The following LHFPL3 variants were observed in gnomAD, a reference collection of about 807,000 sequenced individuals.
LHFPL3 encodes LHFPL tetraspan subfamily member 3.
In LHFPL3, 5 loss-of-function variants were observed where a neutral mutation model predicts 19.3. That is an observed-to-expected ratio of 0.26 (90% CI 0.14 to 0.54). The LOEUF (loss-of-function observed/expected upper bound fraction) is 0.54. LHFPL3 is among the 20% of genes least tolerant of loss of function. LHFPL3 has a pLI of 0.94. For synonymous variants in LHFPL3, 133 were observed against 126.2 expected, an observed-to-expected ratio of 1.05 and a Z score of -0.36; for missense variants, 249 against 307.4, an observed-to-expected ratio of 0.81 and a Z score of 1.42.
chr7:104,413,379 C>T (rs142255108), intron 1 of LHFPL3, among the ~76,000 whole-genome samples: 2 of 152,298 alleles, frequency 1.3e-5, no homozygotes, highest in South Asian at 4.1e-4. Flanking sequence ...TGAATCTTCA[C>T]CATCCATCTA....
intron 1 of LHFPL3, among the ~76,000 whole-genome samples, chr7:104,343,509 TC>T (rs1789998507): frequency 2.3e-5 from 1 of 43,562 alleles, no homozygotes; most frequent in African/African-American, 8.1e-5. Flanking sequence ...TGAGACTCTG[TC>T]TCAAAAAAAA....
chr7:104,432,693 G>T (rs1299237722), intron 1 of LHFPL3, among the ~76,000 whole-genome samples: 1 of 152,134 alleles, frequency 6.6e-6, no homozygotes, highest in Non-Finnish European at 1.5e-5. Flanking sequence ...AATCTTGGCA[G>T]CTCCTCATAG....
chr7:104,611,997 C>G (rs538873054), intron 1 of LHFPL3, among the ~76,000 whole-genome samples: 13 of 152,142 alleles, frequency 8.5e-5, no homozygotes, highest in African/African-American at 3.1e-4. Context: ...TCAAAAACGT[C>G]TTTTTTTTCT....
At chr7:104,614,374 C>G (rs1791268002) in intron 1 of LHFPL3, among the ~76,000 whole-genome samples, 1 of 152,152 alleles carries the variant, frequency 6.6e-6, no homozygotes, top group African/African-American at 2.4e-5. Flanking sequence ...AGCATAATAA[C>G]TGATTTAATA....
At chr7:104,728,548 T>C (rs535075879) in intron 1 of LHFPL3, among the ~76,000 whole-genome samples, 2 of 152,204 alleles carry the variant, frequency 1.3e-5, no homozygotes, top group African/African-American at 4.8e-5. Flanking sequence ...ACATCTTTCA[T>C]GCCAATATCA....
chr7:104,730,000 G>GT (rs1485053243), intron 1 of LHFPL3, among the ~76,000 whole-genome samples: 2 of 151,928 alleles, frequency 1.3e-5, no homozygotes, highest in African/African-American at 4.8e-5. Flanking sequence ...GCAGTGTTTG[G>GT]TTTTTTGTCC....
intron 1 of LHFPL3, among the ~76,000 whole-genome samples, chr7:104,517,756 C>T (rs1793949706): frequency 6.6e-6 from 1 of 152,160 alleles, no homozygotes; most frequent in Non-Finnish European, 1.5e-5. Context: ...GATCTACCCA[C>T]CTTGGCCTCC....
intron 1 of LHFPL3, among the ~76,000 whole-genome samples, chr7:104,687,292 G>A (rs983016753): frequency 6.6e-6 from 1 of 152,210 alleles, no homozygotes; most frequent in Admixed American, 6.5e-5. Flanking sequence ...GAACTTCCAT[G>A]TCCTCTCTGG....
intron 1 of LHFPL3, among the ~76,000 whole-genome samples, chr7:104,501,073 TC>T (rs751717092): frequency 8.6e-5 from 13 of 151,492 alleles, no homozygotes; most frequent in Non-Finnish European, 1.8e-4. Flanking sequence ...CTTTAATATA[TC>T]TCCAGGGTTT....
At chr7:104,436,770 T>G (rs918404710) in intron 1 of LHFPL3, among the ~76,000 whole-genome samples, 26 of 152,358 alleles carry the variant, frequency 1.7e-4, no homozygotes, top group Admixed American at 1.6e-3. Context: ...GAAACTTAGC[T>G]AGTAGATTTC....
intron 1 of LHFPL3, among the ~76,000 whole-genome samples, chr7:104,539,059 A>G (rs1251577501): frequency 6.6e-6 from 1 of 152,154 alleles, no homozygotes; most frequent in Non-Finnish European, 1.5e-5. Context: ...GAGAGTAAAA[A>G]ACCAGATTTT....
chr7:104,408,594 A>T (rs974796077), intron 1 of LHFPL3, among the ~76,000 whole-genome samples: 1 of 152,200 alleles, frequency 6.6e-6, no homozygotes, highest in Non-Finnish European at 1.5e-5. Flanking sequence ...AAAGATCTTG[A>T]ACCAAAAAGG....
chr7:104,696,613 C>T (rs1793000981), intron 1 of LHFPL3, among the ~76,000 whole-genome samples: 1 of 152,020 alleles, frequency 6.6e-6, no homozygotes, highest in Admixed American at 6.6e-5. Context: ...GTGTAAGTGC[C>T]TGCCTGACCA....
intron 1 of LHFPL3, among the ~76,000 whole-genome samples, chr7:104,468,356 T>A (rs1278616776): frequency 1.3e-5 from 2 of 152,240 alleles, no homozygotes; most frequent in African/African-American, 4.8e-5. Flanking sequence ...ATGCGATTTT[T>A]AATTTCCCAA....
chr7:104,822,894 C>T (rs533651966), intron 2 of LHFPL3, among the ~76,000 whole-genome samples: 1 of 152,238 alleles, frequency 6.6e-6, no homozygotes, highest in South Asian at 2.1e-4. Context: ...TTTCACTGTT[C>T]ACCCTACCAA....
intron 1 of LHFPL3, among the ~76,000 whole-genome samples, chr7:104,614,879 T>C (rs1175163190): frequency 1.3e-5 from 2 of 151,608 alleles, no homozygotes; most frequent in Non-Finnish European, 2.9e-5. Flanking sequence ...GCCTCCCAAG[T>C]AGCTGGGACC....
At chr7:104,610,394 CAG>C (rs1051493664) in intron 1 of LHFPL3, among the ~76,000 whole-genome samples, 21 of 151,586 alleles carry the variant, frequency 1.4e-4, no homozygotes, top group Admixed American at 9.9e-4. Flanking sequence ...TCCAGAGAAA[CAG>C]AAAAGAGAGA....
At chr7:104,336,092 G>T (rs1395546746) in intron 1 of LHFPL3, among the ~76,000 whole-genome samples, 2 of 152,106 alleles carry the variant, frequency 1.3e-5, no homozygotes, top group African/African-American at 2.4e-5. Flanking sequence ...AACTTTGGGG[G>T]TCAGCACCAG....
chr7:104,763,427 T>C (rs1794408469), intron 2 of LHFPL3, among the ~76,000 whole-genome samples: 1 of 152,234 alleles, frequency 6.6e-6, no homozygotes, highest in African/African-American at 2.4e-5. Context: ...GCAAGGTAGA[T>C]ATGCAGATTA....
Sources: gnomAD v4.1 joint callset for allele counts (sites outside exome capture counted in the v4.1 genomes callset) on GRCh38, gnomAD v4.1.1 for gene constraint, MANE v1.5 for transcripts, NCBI Gene and HGNC (gene_info 2026-07-23, HGNC 2026-07-21) for gene names.